Variants in MGMT observed in about 807,000 individuals in gnomAD.
MGMT encodes methylated-DNA--protein-cysteine methyltransferase.
MGMT carries 14 observed loss-of-function variants against 15.9 expected under a neutral mutation model. That is an observed-to-expected ratio of 0.88 (90% CI 0.58 to 1.37). The LOEUF (loss-of-function observed/expected upper bound fraction) is 1.37, where lower values mean the gene tolerates loss of function less well. MGMT is among the 40% of genes most tolerant of loss of function. The pLI is 0.00. For synonymous variants in MGMT, 130 were observed against 118.2 expected (o/e 1.10, Z -0.65); for missense variants, 282 against 268.1 (o/e 1.05, Z -0.36).
intron 2 of MGMT, among the ~76,000 whole-genome samples, chr10:129,685,968 A>G (rs1052153336): frequency 1.3e-5 from 2 of 152,216 alleles, no homozygotes; most frequent in African/African-American, 2.4e-5. Context: ...CCCTTTTGCC[A>G]TTGATTATTC....
intron 2 of MGMT, among the ~76,000 whole-genome samples, chr10:129,570,174 ATAAT>A (rs1210660078): frequency 6.6e-6 from 1 of 152,266 alleles, no homozygotes; most frequent in African/African-American, 2.4e-5. Flanking sequence ...TCATCAACTA[ATAAT>A]TAAACCAGAA....
At chr10:129,598,718 A>G (rs1358590142) in intron 2 of MGMT, among the ~76,000 whole-genome samples, 2 of 152,194 alleles carry the variant, frequency 1.3e-5, no homozygotes, top group African/African-American at 4.8e-5. Flanking sequence ...TAACTAGTAG[A>G]TAATTAAGTG....
At chr10:129,488,622 G>T (rs2119651448) in intron 1 of MGMT, among the ~76,000 whole-genome samples, 1 of 152,220 alleles carries the variant, frequency 6.6e-6, no homozygotes. Context: ...CACATTTTGT[G>T]TCTCGTTTCA....
In MGMT at chr10:129,617,365, A is replaced by C. The variant is rs938479341; in HGVS notation, c.125+80988A>C. Among the ~76,000 whole-genome samples the C allele has an allele frequency of 2.0e-5, 3 of 152,144 alleles. No homozygotes were observed. The East Asian group carries it at 5.8e-4, about 29-fold the overall frequency. Reference sequence around the variant, plus strand: ...TTTAGGTTTAGTCCATGTCTTTACTATTATGAATAGTGCTGCAGTGAATAT... The same window carrying C: ...TTTAGGTTTAGTCCATGTCTTTACTCTTATGAATAGTGCTGCAGTGAATAT... On this transcript the variant is annotated intron_variant, in intron 2 of 4. Coordinates refer to ENST00000651593, the MANE Select transcript of MGMT (RefSeq NM_002412.5).
intron 2 of MGMT, among the ~76,000 whole-genome samples, chr10:129,625,969 A>C (rs1310256938): frequency 6.6e-6 from 1 of 152,216 alleles, no homozygotes; most frequent in Non-Finnish European, 1.5e-5. Context: ...TTCCCAGAAA[A>C]GACAAGTTTT....
At position 129,703,052 on chromosome 10, in the gene MGMT, T is replaced by A. The variant is rs541687589; in HGVS notation, c.126-4843T>A. Among the ~76,000 whole-genome samples, 10 of 152,318 alleles carry A rather than the reference T, an allele frequency of 6.6e-5. No homozygotes were observed. In the East Asian group the frequency reaches 1.9e-3, roughly 29 times the overall value. On this transcript the variant is annotated intron_variant, in intron 2 of 4. Coordinates refer to ENST00000651593, the MANE Select transcript of MGMT (RefSeq NM_002412.5). ...GTGTCATGGCTTTAAAAATCTGGTT[T>A]TATGTGTGTGTTTAATGCCATTCAT...
chr10:129,653,861 G>A (rs1847492822), intron 2 of MGMT, among the ~76,000 whole-genome samples: 1 of 152,170 alleles, frequency 6.6e-6, no homozygotes, highest in Non-Finnish European at 1.5e-5. Context: ...GGTGGGCTAG[G>A]GGCAGGAGAA....
chr10:129,744,701 A>C (rs556346624), intron 3 of MGMT, among the ~76,000 whole-genome samples: 1 of 152,236 alleles, frequency 6.6e-6, no homozygotes, highest in Middle Eastern at 3.4e-3. Context: ...GCTCACTCTC[A>C]GTGTGCGCCT....
intron 1 of MGMT, among the ~76,000 whole-genome samples, chr10:129,475,697 C>G (rs1233396380): frequency 6.6e-6 from 1 of 152,152 alleles, no homozygotes; most frequent in Non-Finnish European, 1.5e-5. Flanking sequence ...CCAGCCCAGG[C>G]CAGCCTGAGA....
At chr10:129,673,633 C>T (rs967287317) in intron 2 of MGMT, among the ~76,000 whole-genome samples, 7 of 152,098 alleles carry the variant, frequency 4.6e-5, no homozygotes, top group African/African-American at 4.8e-5. Context: ...CTGTCCACAT[C>T]GGCTTGATGC....
intron 2 of MGMT, among the ~76,000 whole-genome samples, chr10:129,575,823 A>G (rs1226969234): frequency 1.3e-4 from 20 of 152,276 alleles, no homozygotes; most frequent in Middle Eastern, 3.4e-3. Context: ...GAAGAATCAA[A>G]TAGACGCAAT....
intron 3 of MGMT, among the ~76,000 whole-genome samples, chr10:129,740,417 C>T (rs939483268): frequency 2.0e-5 from 3 of 152,110 alleles, no homozygotes; most frequent in Admixed American, 6.5e-5. Flanking sequence ...GGACTCATGT[C>T]CTCTTACCAA....
chr10:129,632,444 G>A lies in MGMT; in HGVS notation c.126-75451G>A, dbSNP rs141619343. Among the ~76,000 whole-genome samples the A allele has an allele frequency of 1.6e-3, 242 of 151,610 alleles. 2 individuals carry two copies. The highest frequency in any genetic ancestry group is 4.9e-3 in the Admixed American group (75 of 15,218). On this transcript the variant is annotated intron_variant, in intron 2 of 4. Transcript: ENST00000651593. The stretch of plus-strand genomic sequence containing the variant: ...CTGGGGCCCAGCGAGACTGAAGCGG[G>A]TATTTTCACGTGAGACTTCGCCAGT...
chr10:129,631,548 T>C (rs579264), intron 2 of MGMT, among the ~76,000 whole-genome samples: 152,008 of 152,362 alleles, frequency 1, 75,828 homozygotes, highest in Middle Eastern at 1. Context: ...ATTTGGACGG[T>C]GTGGTGGCTC....
intron 2 of MGMT, among the ~76,000 whole-genome samples, chr10:129,553,292 GT>G (rs1487328829): frequency 6.6e-5 from 10 of 152,154 alleles, no homozygotes; most frequent in Non-Finnish European, 1.3e-4. Flanking sequence ...TGAGATAGAT[GT>G]ATCATTTTCA....
chr10:129,519,340 A>G (rs1845778753), intron 1 of MGMT, among the ~76,000 whole-genome samples: 1 of 152,226 alleles, frequency 6.6e-6, no homozygotes, highest in Non-Finnish European at 1.5e-5. Flanking sequence ...TATTGTTTAA[A>G]GAGTAAAAGG....
intron 2 of MGMT, among the ~76,000 whole-genome samples, chr10:129,590,774 G>A (rs937420840): frequency 1.3e-5 from 2 of 152,188 alleles, no homozygotes; most frequent in African/African-American, 4.8e-5. Flanking sequence ...TTTAAATGCT[G>A]TGAATCTTGT....
intron 2 of MGMT, among the ~76,000 whole-genome samples, chr10:129,548,337 A>T (rs1171827577): frequency 6.6e-6 from 1 of 152,228 alleles, no homozygotes; most frequent in African/African-American, 2.4e-5. Context: ...ACTGTTTATC[A>T]TTCTTCTGAA....
At chr10:129,620,119 G>C (rs1467299615) in intron 2 of MGMT, among the ~76,000 whole-genome samples, 1 of 152,198 alleles carries the variant, frequency 6.6e-6, no homozygotes, top group Non-Finnish European at 1.5e-5. Flanking sequence ...ATTGGTCATT[G>C]ATAGGAAACT....
Sources: allele counts gnomAD v4.1 joint callset (sites outside exome capture counted in the v4.1 genomes callset), GRCh38; gene constraint gnomAD v4.1.1; transcripts MANE v1.5; gene names NCBI Gene and HGNC (gene_info 2026-07-23, HGNC 2026-07-21).